The following DCLK1 variants were observed in gnomAD, a reference collection of about 807,000 sequenced individuals.
DCLK1 encodes doublecortin like kinase 1.
In DCLK1, 16 loss-of-function variants were observed where a neutral mutation model predicts 86.2. That is an observed-to-expected ratio of 0.19 (90% CI 0.13 to 0.28). The LOEUF (loss-of-function observed/expected upper bound fraction) is 0.28. Among genes scored for constraint, DCLK1 ranks in the 10% least tolerant of loss-of-function variants. The pLI, the probability that DCLK1 is intolerant of heterozygous loss-of-function variation, is 1.00. For synonymous variants in DCLK1, 369 were observed against 370.5 expected, an observed-to-expected ratio of 1.00 and a Z score of 0.05; for missense variants, 590 against 940.2, an observed-to-expected ratio of 0.63 and a Z score of 4.87.
At chr13:35,980,505 T>C (rs1879582789) in intron 3 of DCLK1, among the ~76,000 whole-genome samples, 1 of 152,158 alleles carries the variant, frequency 6.6e-6, no homozygotes, top group African/African-American at 2.4e-5. Flanking sequence ...TCTGTCTTTG[T>C]AATTTTGAAT....
intron 6 of DCLK1, chr13:35,846,436 A>G (rs904837058): frequency 1.0e-6 from 1 of 985,184 alleles, no homozygotes; most frequent in African/African-American, 1.7e-5. Context: ...ATATAATACA[A>G]ACACTCAGGT....
At chr13:35,951,652 A>G (rs1457955578) in intron 3 of DCLK1, among the ~76,000 whole-genome samples, 1 of 151,402 alleles carries the variant, frequency 6.6e-6, no homozygotes, top group Non-Finnish European at 1.5e-5. Context: ...CTTATCCATC[A>G]CCTCTTCTTT....
At chr13:35,804,428 C>T (rs1028041046) in intron 15 of DCLK1, among the ~76,000 whole-genome samples, 2 of 151,772 alleles carry the variant, frequency 1.3e-5, no homozygotes, top group African/African-American at 2.4e-5. Context: ...GTCACTGTGC[C>T]CAGCCTACTA....
At position 36,065,909 on chromosome 13, in the gene DCLK1, T is replaced by C. The variant is rs372114232; in HGVS notation, c.723+45960A>G. On this transcript the variant is annotated intron_variant, in intron 3 of 16. Coordinates refer to ENST00000360631, the MANE Select transcript of DCLK1 (RefSeq NM_001330071.2). ...GAGTATCTATGCACATTCTGAGTCA[T>C]TTACACACAACGGCAATGGTAACAG... 3.0e-4 allele frequency among the ~76,000 whole-genome samples: 45 copies of C among 152,310 alleles called. No homozygotes were observed. The East Asian group carries it at 8.1e-3, about 27-fold the overall frequency.
At chr13:35,807,945 C>T (rs549067327) in intron 14 of DCLK1, among the ~76,000 whole-genome samples, 12 of 152,102 alleles carry the variant, frequency 7.9e-5, no homozygotes, top group East Asian at 7.7e-4. Context: ...TCAAGCCTGG[C>T]GAGGGTGGGG....
chr13:35,910,678 G>A (rs138897324), intron 4 of DCLK1, among the ~76,000 whole-genome samples: 2,273 of 152,256 alleles, frequency 0.015, 27 homozygotes, highest in South Asian at 0.055. Context: ...CCCAGGGGCC[G>A]CTGTGGCAGC....
At chr13:35,976,455 C>T (rs1555354114) in intron 3 of DCLK1, among the ~76,000 whole-genome samples, 1 of 151,582 alleles carries the variant, frequency 6.6e-6, no homozygotes, top group Non-Finnish European at 1.5e-5. Flanking sequence ...ATGCTTAAGC[C>T]TGTGAACTCG....
At chr13:36,001,934 G>A (rs1361772295) in intron 3 of DCLK1, among the ~76,000 whole-genome samples, 3 of 152,170 alleles carry the variant, frequency 2.0e-5, no homozygotes, top group East Asian at 1.9e-4. Flanking sequence ...AAGCTTGGAC[G>A]CACTGTTGCC....
intron 4 of DCLK1, among the ~76,000 whole-genome samples, chr13:35,922,367 A>G (rs1279913079): frequency 6.6e-6 from 1 of 152,118 alleles, no homozygotes; most frequent in South Asian, 2.1e-4. Context: ...GAAGGACCAC[A>G]TATCACCCAT....
chr13:35,970,543 A>C (rs1007032861), intron 3 of DCLK1, among the ~76,000 whole-genome samples: 1 of 152,188 alleles, frequency 6.6e-6, no homozygotes, highest in Non-Finnish European at 1.5e-5. Flanking sequence ...TAATGCATTC[A>C]TAAAAGGACT....
chr13:35,980,525 C>A (rs1879583983), intron 3 of DCLK1, among the ~76,000 whole-genome samples: 1 of 152,124 alleles, frequency 6.6e-6, no homozygotes, highest in Non-Finnish European at 1.5e-5. Context: ...TACTGTAGAT[C>A]ATGGTAGCAA....
At chr13:36,065,102 G>A (rs1405756970) in intron 3 of DCLK1, among the ~76,000 whole-genome samples, 1 of 152,194 alleles carries the variant, frequency 6.6e-6, no homozygotes, top group South Asian at 2.1e-4. Context: ...AAAATGAATG[G>A]ACTTCTCAGC....
chr13:35,924,264 T>C (rs946662755), intron 4 of DCLK1, among the ~76,000 whole-genome samples: 4 of 152,026 alleles, frequency 2.6e-5, no homozygotes, highest in African/African-American at 9.7e-5. Context: ...TTTTTTTTTT[T>C]AAATGGCTGT....
chr13:36,024,303 A>C, intron 3 of DCLK1, among the ~76,000 whole-genome samples: 1 of 151,964 alleles, frequency 6.6e-6, no homozygotes, highest in East Asian at 1.9e-4. Context: ...AAAACTCTCT[A>C]TTTTCACATG....
intron 15 of DCLK1, among the ~76,000 whole-genome samples, chr13:35,802,759 A>T (rs547290169): frequency 2.6e-5 from 4 of 152,092 alleles, no homozygotes; most frequent in East Asian, 1.9e-4. Flanking sequence ...AAGCATCATT[A>T]AAAAAAAGTA....
chr13:35,927,835 T>TG (rs1440967144), intron 4 of DCLK1, among the ~76,000 whole-genome samples: 9 of 152,282 alleles, frequency 5.9e-5, no homozygotes, highest in African/African-American at 1.9e-4. Flanking sequence ...ACAGGGCCTA[T>TG]GACGTAATCA....
chr13:36,123,898 G>A (rs1328315729), intron 2 of DCLK1, among the ~76,000 whole-genome samples: 11 of 152,212 alleles, frequency 7.2e-5, no homozygotes, highest in Non-Finnish European at 1.2e-4. Context: ...CTGGTCCCTA[G>A]ATGTGAAGGG....
intron 4 of DCLK1, among the ~76,000 whole-genome samples, chr13:35,902,052 T>C (rs1874399052): frequency 1.3e-5 from 2 of 152,174 alleles, no homozygotes; most frequent in Non-Finnish European, 2.9e-5. Flanking sequence ...TTCTTTATCA[T>C]AGTCAACAAC....
chr13:35,990,218 A>G (rs1186127600), intron 3 of DCLK1, among the ~76,000 whole-genome samples: 4 of 152,226 alleles, frequency 2.6e-5, no homozygotes, highest in Non-Finnish European at 1.5e-5. Context: ...TTGTACTAAT[A>G]CTAAATACCA....
Sources: gnomAD v4.1 joint callset for allele counts (sites outside exome capture counted in the v4.1 genomes callset) on GRCh38, gnomAD v4.1.1 for gene constraint, MANE v1.5 for transcripts, NCBI Gene and HGNC (gene_info 2026-07-23, HGNC 2026-07-21) for gene names.